The following RERG variants were observed in gnomAD, a reference collection of about 807,000 sequenced individuals.
RERG encodes RAS like estrogen regulated growth inhibitor.
In RERG, 25 loss-of-function variants were observed where a neutral mutation model predicts 23.2. The observed-to-expected ratio is 1.08, with a 90% confidence interval of 0.79 to 1.50. The LOEUF is 1.50. RERG is among the 40% of genes most tolerant of loss of function. RERG has a pLI of 0.00. For synonymous variants in RERG, 81 were observed against 89.1 expected (o/e 0.91, Z 0.51); for missense variants, 253 against 250.1 (o/e 1.01, Z -0.08).
intron 2 of RERG, among the ~76,000 whole-genome samples, chr12:15,205,466 T>C (rs1042082637): frequency 2.6e-5 from 4 of 152,048 alleles, no homozygotes; most frequent in East Asian, 1.9e-4. Context: ...TACGAAATAT[T>C]TGAATGGAAA....
At chr12:15,208,598 G>T (rs1426043965) in intron 2 of RERG, among the ~76,000 whole-genome samples, 1 of 152,094 alleles carries the variant, frequency 6.6e-6, no homozygotes, top group African/African-American at 2.4e-5. Context: ...GAAGGTACAT[G>T]GATCCTGTAC....
At chr12:15,207,142 C>T (rs561780550) in intron 2 of RERG, among the ~76,000 whole-genome samples, 4 of 152,204 alleles carry the variant, frequency 2.6e-5, no homozygotes, top group African/African-American at 4.8e-5. Flanking sequence ...AATTTCTCAT[C>T]GTTTCGAGAA....
chr12:15,218,811 TTA>T (rs1865478380), intron 1 of RERG, among the ~76,000 whole-genome samples: 1 of 152,002 alleles, frequency 6.6e-6, no homozygotes, highest in Admixed American at 6.6e-5. Context: ...ACACTCTCGT[TTA>T]TGTTTTTTTG....
At position 15,109,535 on chromosome 12, in the gene RERG, T is replaced by A; in HGVS notation, c.193-18A>T. ...GTATCTTCCTGTTGGCAAAGAAAAA[T>A]GGCCGTCAAGAGACCTGGAAATAAT... On this transcript the variant is annotated intron_variant, in intron 4 of 4. Coordinates refer to ENST00000256953, the MANE Select transcript of RERG (RefSeq NM_032918.3). The A allele has an allele frequency of 6.4e-7, 1 of 1,561,250 alleles. No individual in the cohort carries two copies. Among genetic ancestry groups the A allele is most frequent in the Non-Finnish European group, 8.7e-7 (1 of 1,151,032 alleles).
At chr12:15,144,340 G>C (rs1454649903) in intron 2 of RERG, among the ~76,000 whole-genome samples, 1 of 152,140 alleles carries the variant, frequency 6.6e-6, no homozygotes, top group African/African-American at 2.4e-5. Flanking sequence ...TTGCAAATTT[G>C]TCAGTATAAA....
chr12:15,118,801 G>A (rs1863779006), intron 3 of RERG, among the ~76,000 whole-genome samples: 1 of 151,824 alleles, frequency 6.6e-6, no homozygotes, highest in Non-Finnish European at 1.5e-5. Flanking sequence ...GGCCTCCCCA[G>A]AAGCCAATGC....
At chr12:15,131,665 C>A (rs559343010) in intron 2 of RERG, among the ~76,000 whole-genome samples, 1 of 152,088 alleles carries the variant, frequency 6.6e-6, no homozygotes, top group African/African-American at 2.4e-5. Context: ...TTTATGCCAT[C>A]TGGCATAAAC....
chr12:15,152,363 T>C (rs1450991367), intron 2 of RERG, among the ~76,000 whole-genome samples: 2 of 152,200 alleles, frequency 1.3e-5, no homozygotes, highest in Non-Finnish European at 2.9e-5. Flanking sequence ...TCCCATCTGC[T>C]GTAATAGGTG....
chr12:15,110,930 A>G (rs551633450), intron 4 of RERG: 89 of 155,746 alleles, frequency 5.7e-4, no homozygotes, highest in African/African-American at 2.1e-3. Context: ...TTAGAATACA[A>G]TATATACTAA....
chr12:15,140,773 T>C (rs1864225072), intron 2 of RERG, among the ~76,000 whole-genome samples: 1 of 152,190 alleles, frequency 6.6e-6, no homozygotes, highest in Non-Finnish European at 1.5e-5. Context: ...ATGTAATTCT[T>C]ATACTTGCTT....
intron 2 of RERG, among the ~76,000 whole-genome samples, chr12:15,127,189 T>C (rs1278792688): frequency 1.3e-5 from 2 of 152,234 alleles, no homozygotes; most frequent in African/African-American, 2.4e-5. Context: ...TATTCTTGTA[T>C]GTCTTAGAAA....
Position 15,109,039 on chromosome 12 carries a change from G to T in RERG, c.*71C>A. 7.3e-7 allele frequency: 1 copy of T among 1,370,996 alleles called. No individual in the cohort carries two copies. Among genetic ancestry groups the T allele is most frequent in the Non-Finnish European group, 9.9e-7 (1 of 1,010,974 alleles). 84.9% of individuals were successfully genotyped at this position (1,370,996 alleles called of 1,614,324 possible). On this transcript the variant is annotated 3_prime_UTR_variant, in exon 5 of 5. Coordinates refer to ENST00000256953, the MANE Select transcript of RERG (RefSeq NM_032918.3). ...ATCCAAACAAAGAATGCAATATTTT[G>T]TTTTATTTTTGAAAGGGGAACAGAA... is the stretch of plus-strand genomic sequence containing the variant.
At position 15,189,825 on chromosome 12, in the gene RERG, T is replaced by C. The variant is rs542000579; in HGVS notation, c.61+27604A>G. On this transcript the variant is annotated intron_variant, in intron 2 of 4. Coordinates refer to ENST00000256953, the MANE Select transcript of RERG (RefSeq NM_032918.3). ...GGCTCACTGAATCTGTTCTCAAAAA[T>C]TCATGGAAAAGGCAGAAGGCCACAG... 1.6e-4 allele frequency among the ~76,000 whole-genome samples: 25 copies of C among 152,234 alleles called. 1 individual carries two copies. The highest frequency in any genetic ancestry group is 5.2e-4 in the Admixed American group (8 of 15,274).
intron 3 of RERG, among the ~76,000 whole-genome samples, chr12:15,116,217 C>T (rs547143187): frequency 3.3e-5 from 5 of 152,326 alleles, no homozygotes; most frequent in East Asian, 3.9e-4. Flanking sequence ...TTCTGCATCA[C>T]GCATGCTGGG....
chr12:15,135,249 A>T (rs1453395832), intron 2 of RERG, among the ~76,000 whole-genome samples: 1 of 152,190 alleles, frequency 6.6e-6, no homozygotes, highest in Non-Finnish European at 1.5e-5. Flanking sequence ...ATATATAGGA[A>T]AGTGATTGAC....
At chr12:15,183,012 T>A (rs1864944356) in intron 2 of RERG, among the ~76,000 whole-genome samples, 1 of 152,008 alleles carries the variant, frequency 6.6e-6, no homozygotes, top group African/African-American at 2.4e-5. Flanking sequence ...GCCCAGGAGG[T>A]TGAGGCTGCA....
chr12:15,112,044 T>C (rs768798803), intron 3 of RERG, among the ~76,000 whole-genome samples: 3 of 152,200 alleles, frequency 2.0e-5, no homozygotes, highest in Non-Finnish European at 1.5e-5. Flanking sequence ...CTTTTCCTTC[T>C]ATAATGAGAC....
intron 2 of RERG, among the ~76,000 whole-genome samples, chr12:15,180,639 C>G (rs1864911332): frequency 6.6e-6 from 1 of 152,154 alleles, no homozygotes; most frequent in Admixed American, 6.5e-5. Flanking sequence ...AGTGCACTGG[C>G]TGAAGTAAAT....
intron 2 of RERG, among the ~76,000 whole-genome samples, chr12:15,123,152 A>G (rs1220785913): frequency 6.6e-6 from 1 of 152,196 alleles, no homozygotes; most frequent in Admixed American, 6.5e-5. Flanking sequence ...ATTATCTGCC[A>G]TGATGAAAAA....
Sources: allele counts gnomAD v4.1 joint callset (sites outside exome capture counted in the v4.1 genomes callset), GRCh38; gene constraint gnomAD v4.1.1; transcripts MANE v1.5; gene names NCBI Gene and HGNC (gene_info 2026-07-23, HGNC 2026-07-21).